FBN2: variants seen among roughly 807,000 people sequenced by gnomAD.
The protein encoded by FBN2 is fibrillin-2.
Under a neutral mutation model 355.6 loss-of-function variants are expected in FBN2, and 105 were observed. The ratio of observed to expected loss-of-function variants is 0.30; its 90% confidence interval spans 0.25 to 0.35. The LOEUF (loss-of-function observed/expected upper bound fraction) is 0.35, where lower values mean the gene tolerates loss of function less well. FBN2 is among the 10% of genes least tolerant of loss of function. The pLI is 1.00. For missense variants in FBN2, 3,280 were observed against 3,758.7 expected (o/e 0.87, Z 3.33); for synonymous variants, 1,350 against 1,301.2 (o/e 1.04, Z -0.81).
chr5:128,278,090 T>G (rs961834989), intron 57 of FBN2, 85 bp from the exon 58 acceptor site: 1 of 1,432,434 alleles, frequency 7.0e-7, no homozygotes, highest in African/African-American at 1.4e-5. Flanking sequence ...AATGAAGAAA[T>G]GGAGATGACA....
chr5:128,537,200 T>TG lies in FBN2; in HGVS notation c.254+149dup, dbSNP rs55694313. On this transcript the variant is annotated intron_variant, in intron 1 of 64. Coordinates refer to ENST00000262464, the MANE Select transcript of FBN2 (RefSeq NM_001999.4). ...GGGAAGGAAAAGGGGGACGCGCTCC[T>TG]GGGGGTCTTTGGATATTCTGGCAAA... is the stretch of plus-strand genomic sequence containing the variant. 0.089 allele frequency: 121,447 copies of TG among 1,363,572 alleles called. 7,180 individuals carry two copies. The highest frequency in any genetic ancestry group is 0.28 in the African/African-American group (19,481 of 68,484). The allele number at this position is 1,363,572 out of a possible 1,614,324, so 84.5% of individuals were successfully genotyped here. A position where few individuals can be genotyped will look rare whatever the true frequency, so the allele number is the denominator to read the frequency against.
At chr5:128,335,027 C>T in intron 30 of FBN2, 143 bp downstream of exon 30, 1 of 1,310,616 alleles carries the variant, frequency 7.6e-7, no homozygotes, top group Non-Finnish European at 1.1e-6. Flanking sequence ...AGTAATTCTT[C>T]CTGAGATTTT....
chr5:128,305,465 G>A, intron 44 of FBN2, 46 bp downstream of exon 44: 1 of 1,608,814 alleles, frequency 6.2e-7, no homozygotes, highest in African/African-American at 1.3e-5. Flanking sequence ...GGAAATCTAA[G>A]GAATCTTGTG....
At chr5:128,408,625 T>G in intron 8 of FBN2, 49 bp downstream of exon 8, 1 of 1,611,920 alleles carries the variant, frequency 6.2e-7, no homozygotes, top group Admixed American at 1.7e-5. Flanking sequence ...TGGGCTGTTT[T>G]GTCATTATAA....
chr5:128,521,193 G>A (rs1756424009), intron 4 of FBN2, among the ~76,000 whole-genome samples: 1 of 152,084 alleles, frequency 6.6e-6, no homozygotes, highest in Non-Finnish European at 1.5e-5. Context: ...GCCATAAAAA[G>A]GAACAACATA....
chr5:128,382,179 G>A (rs552789343), intron 11 of FBN2, among the ~76,000 whole-genome samples: 1 of 152,016 alleles, frequency 6.6e-6, no homozygotes, highest in African/African-American at 2.4e-5. Flanking sequence ...ACTCTTCAAA[G>A]TTAATAAAAC....
intron 55 of FBN2, among the ~76,000 whole-genome samples, chr5:128,282,257 T>C (rs960104209): frequency 6.6e-6 from 1 of 152,128 alleles, no homozygotes; most frequent in African/African-American, 2.4e-5. Flanking sequence ...CTGTGATTAT[T>C]TTTTTCCTTT....
intron 59 of FBN2, 62 bp downstream of exon 59, chr5:128,275,976 T>C: frequency 6.4e-7 from 1 of 1,567,326 alleles, no homozygotes; most frequent in Non-Finnish European, 8.8e-7. Context: ...GATAATCTAA[T>C]ATTTAAATTT....
rs909992464 is a variant in FBN2, at chr5:128,328,429, A to G, written c.4471+267T>C. 4.8e-5 allele frequency: 29 copies of G among 605,524 alleles called. No individual in the cohort carries two copies. The Admixed American group carries it at 7.3e-4, about 15-fold the overall frequency. 37.5% of individuals were successfully genotyped at this position (605,524 alleles called of 1,614,324 possible). On this transcript the variant is annotated intron_variant, in intron 34 of 64. Transcript: ENST00000262464. ...TCATTCATTTAGTGATAAAAAAGAG[A>G]AAGAAGAGAAGAAATGGTTAAAAAA...
chr5:128,317,959 C>T (rs1204963558), intron 36 of FBN2, among the ~76,000 whole-genome samples, 190 bp downstream of exon 36: 1 of 152,120 alleles, frequency 6.6e-6, no homozygotes, highest in Non-Finnish European at 1.5e-5. Context: ...CTTCTCTGTG[C>T]CTTGGTTCTC....
At chr5:128,408,291 T>A (rs988085981) in intron 8 of FBN2, among the ~76,000 whole-genome samples, 1 of 152,194 alleles carries the variant, frequency 6.6e-6, no homozygotes, top group Non-Finnish European at 1.5e-5. Context: ...CTTTTTTGTA[T>A]AGTAACTATT....
At chr5:128,341,325 C>A (rs774841808) in intron 25 of FBN2, among the ~76,000 whole-genome samples, 37 of 152,172 alleles carry the variant, frequency 2.4e-4, no homozygotes, top group Non-Finnish European at 5.0e-4. Context: ...CACAATCCAG[C>A]CCTGCTTGGA....
chr5:128,379,087 A>G (rs1429324706), intron 11 of FBN2, among the ~76,000 whole-genome samples, 197 bp from the exon 12 acceptor site: 1 of 152,140 alleles, frequency 6.6e-6, no homozygotes, highest in Non-Finnish European at 1.5e-5. Context: ...CAAAAATATC[A>G]CCTTTTAGAG....
rs752856803 is a variant in FBN2 at position 128,472,234 on chromosome 5, T to C, written c.629-7313A>G. 7.2e-5 allele frequency among the ~76,000 whole-genome samples: 11 copies of C among 152,350 alleles called. No homozygotes were observed. The South Asian group carries it at 1.4e-3, about 20-fold the overall frequency. On this transcript the variant is annotated intron_variant, in intron 5 of 64. Coordinates refer to ENST00000262464, the MANE Select transcript of FBN2 (RefSeq NM_001999.4). ...GCAACATGGATGAACTTTGTGCATA[T>C]TGTGCTGAGTGAAATAAGCCAGTCA... is the stretch of plus-strand genomic sequence containing the variant.
intron 7 of FBN2, among the ~76,000 whole-genome samples, chr5:128,444,451 T>G (rs757578815): frequency 1.3e-5 from 2 of 152,242 alleles, no homozygotes; most frequent in Non-Finnish European, 2.9e-5. Context: ...TTTAAATAAA[T>G]ATGCCTTATA....
chr5:128,296,005 C>T (rs1036074489), intron 48 of FBN2, among the ~76,000 whole-genome samples: 5 of 151,660 alleles, frequency 3.3e-5, no homozygotes, highest in Admixed American at 6.6e-5. Context: ...TTTTGAGATA[C>T]GTCCCATCAA....
intron 48 of FBN2, among the ~76,000 whole-genome samples, chr5:128,298,343 T>C (rs1050788067): frequency 3.9e-5 from 6 of 152,068 alleles, no homozygotes; most frequent in African/African-American, 1.2e-4. Context: ...AGGAGTATCT[T>C]TGTGGCGTTC....
In FBN2 at chr5:128,330,582, T is replaced by A; in HGVS notation, c.4336A>T (p.Thr1446Ser). 6.2e-7 allele frequency: 1 copy of A among 1,614,090 alleles called. No homozygotes were observed. The highest frequency in any genetic ancestry group is 1.1e-5 in the South Asian group (1 of 91,078). ...CSEGFTGDGF[T>S]CSDVDECAEN... ...CAGGACTGTCACCCACCTGAGCAGG[T>A]AAAGCCATCACCAGTGAAACCTTCG... Residue 1446 changes from threonine to serine, a missense_variant, in exon 33 of 65, where the codon ACC becomes TCC. Thr to Ser is a moderately conservative substitution (Grantham distance 58, BLOSUM62 1). Transcript: ENST00000262464.
In FBN2 at chr5:128,530,578, A is replaced by G; in HGVS notation, c.436+17T>C. 1.9e-6 allele frequency: 3 copies of G among 1,553,424 alleles called. No homozygotes were observed. Among genetic ancestry groups the G allele is most frequent in the Non-Finnish European group, 2.7e-6 (3 of 1,124,908 alleles). On this transcript the variant is annotated intron_variant, in intron 3 of 64. Transcript: ENST00000262464. Reference sequence around the variant, plus strand: ...TTAAGAAAAATGCAGTGAAAAGGCCACAAGTAAGAAACATACTTGATTTTG... The same window carrying G: ...TTAAGAAAAATGCAGTGAAAAGGCCGCAAGTAAGAAACATACTTGATTTTG...
Sources: gnomAD v4.1 joint callset for allele counts (sites outside exome capture counted in the v4.1 genomes callset) on GRCh38, gnomAD v4.1.1 for gene constraint, MANE v1.5 for transcripts, NCBI Gene and HGNC (gene_info 2026-07-23, HGNC 2026-07-21) for gene names.